LRFN2: variants seen among roughly 807,000 people sequenced by gnomAD.
LRFN2 encodes leucine rich repeat and fibronectin type III domain containing 2.
A neutral mutation model predicts 37.3 loss-of-function variants in LRFN2; 18 were observed. The observed-to-expected ratio is 0.48, with a 90% CI of 0.33 to 0.72. LRFN2 has a LOEUF of 0.72. LRFN2 is among the 30% of genes least tolerant of loss of function. The probability of loss-of-function intolerance (pLI) is 0.02; values close to 1 mark genes in which losing one functional copy is unlikely to be tolerated. For synonymous variants in LRFN2, 556 were observed against 466.6 expected (o/e 1.19, Z -2.47); for missense variants, 1,006 against 1,060.7 (o/e 0.95, Z 0.72).
Position 40,392,150 on chromosome 6 carries a change from G to A in LRFN2, c.2163C>T (p.Ser721=). 6.2e-7 allele frequency: 1 copy of A among 1,608,282 alleles called. No individual in the cohort carries two copies. Residue 721 remains serine, a synonymous_variant, in exon 3 of 3, where the codon AGC becomes AGT. Coordinates refer to ENST00000338305, the MANE Select transcript of LRFN2 (RefSeq NM_020737.3). The surrounding 1 kb of genome is among the most constrained non-coding windows in gnomAD (Gnocchi z 4.7). ...PLPLEGKAKR[S]HSFDMGDFAA... is the part of the protein sequence containing the mutation. ...CAAAGTCCCCCATGTCGAAGGAGTG[G>A]CTGCGTTTGGCCTTGCCCTCCAACG...
At chr6:40,475,839 T>C (rs1764699482) in intron 1 of LRFN2, among the ~76,000 whole-genome samples, 1 of 152,106 alleles carries the variant, frequency 6.6e-6, no homozygotes, top group African/African-American at 2.4e-5. Context: ...CAAACTGAGC[T>C]TCAGAGAGGA....
intron 1 of LRFN2, among the ~76,000 whole-genome samples, chr6:40,571,818 T>C (rs1767192852): frequency 6.6e-6 from 1 of 151,986 alleles, no homozygotes; most frequent in African/African-American, 2.4e-5. Flanking sequence ...AACAAGTTGG[T>C]GGCGGAGCTG....
intron 1 of LRFN2, among the ~76,000 whole-genome samples, chr6:40,509,828 C>T (rs115816491): frequency 0.024 from 3,565 of 146,774 alleles, 99 homozygotes; most frequent in African/African-American, 0.08. Context: ...TACTGAGCTG[C>T]GCAGGTAGGA....
chr6:40,436,886 G>A (rs958856741), intron 1 of LRFN2, among the ~76,000 whole-genome samples: 4 of 152,032 alleles, frequency 2.6e-5, no homozygotes, highest in East Asian at 1.9e-4. Context: ...TTCTGGCTAC[G>A]GCATCTGCTC....
chr6:40,506,639 G>C (rs1243133261), intron 1 of LRFN2, among the ~76,000 whole-genome samples: 1 of 152,112 alleles, frequency 6.6e-6, no homozygotes, highest in Non-Finnish European at 1.5e-5. Context: ...CTGCAAATCA[G>C]ACTGTGTGGT....
chr6:40,498,949 T>C (rs941221792), intron 1 of LRFN2, among the ~76,000 whole-genome samples: 1 of 152,072 alleles, frequency 6.6e-6, no homozygotes, highest in African/African-American at 2.4e-5. Context: ...ACCAGCATGG[T>C]TCCCATCCTC....
At chr6:40,579,106 T>C (rs563657910) in intron 1 of LRFN2, among the ~76,000 whole-genome samples, 12 of 152,352 alleles carry the variant, frequency 7.9e-5, no homozygotes, top group African/African-American at 2.9e-4. Context: ...ACTCTGCGAT[T>C]GCAAGCACAA....
intron 1 of LRFN2, among the ~76,000 whole-genome samples, chr6:40,529,426 T>C (rs1766309802): frequency 6.6e-6 from 1 of 152,226 alleles, no homozygotes; most frequent in East Asian, 1.9e-4. Context: ...CTGCCTACCA[T>C]GCTATCCACA....
At chr6:40,443,841 C>T (rs1444856068) in intron 1 of LRFN2, among the ~76,000 whole-genome samples, 1 of 152,140 alleles carries the variant, frequency 6.6e-6, no homozygotes, top group Non-Finnish European at 1.5e-5. Flanking sequence ...GCCTTCCACC[C>T]CTAGCCTAAA....
chr6:40,487,746 A>G (rs1487141782), intron 1 of LRFN2, among the ~76,000 whole-genome samples: 1 of 152,238 alleles, frequency 6.6e-6, no homozygotes, highest in African/African-American at 2.4e-5. Flanking sequence ...GATGAAACCA[A>G]AGGAAGCTAC....
At chr6:40,497,965 A>C (rs981259232) in intron 1 of LRFN2, among the ~76,000 whole-genome samples, 7 of 152,136 alleles carry the variant, frequency 4.6e-5, no homozygotes, top group Admixed American at 2.6e-4. Flanking sequence ...GAGGGAGCTG[A>C]CCTTGAAGAA....
intron 1 of LRFN2, among the ~76,000 whole-genome samples, chr6:40,496,626 T>C (rs1765234716): frequency 6.6e-6 from 1 of 152,064 alleles, no homozygotes; most frequent in African/African-American, 2.4e-5. Context: ...AGATGCAGTG[T>C]CCTCAGAGAG....
At chr6:40,464,477 G>A (rs932509728) in intron 1 of LRFN2, among the ~76,000 whole-genome samples, 9 of 152,220 alleles carry the variant, frequency 5.9e-5, no homozygotes, top group African/African-American at 2.2e-4. Flanking sequence ...ATGGGATGAT[G>A]CAGCAAGAAG....
At chr6:40,534,867 C>T (rs1387044478) in intron 1 of LRFN2, among the ~76,000 whole-genome samples, 1 of 152,132 alleles carries the variant, frequency 6.6e-6, no homozygotes, top group Non-Finnish European at 1.5e-5. Flanking sequence ...GTGCCCCGCG[C>T]CCATCTTAGA....
intron 1 of LRFN2, among the ~76,000 whole-genome samples, chr6:40,581,778 C>A (rs1767408856): frequency 6.6e-6 from 1 of 152,190 alleles, no homozygotes; most frequent in Non-Finnish European, 1.5e-5. Flanking sequence ...GGTACTGAGA[C>A]CCTGGTATGG....
intron 1 of LRFN2, among the ~76,000 whole-genome samples, chr6:40,568,499 C>T (rs1052016921): frequency 2.6e-5 from 4 of 152,232 alleles, no homozygotes; most frequent in African/African-American, 9.6e-5. Context: ...GGGTGGCTTA[C>T]AGGCATCCCC....
At chr6:40,528,108 A>G (rs760260345) in intron 1 of LRFN2, among the ~76,000 whole-genome samples, 4 of 152,260 alleles carry the variant, frequency 2.6e-5, no homozygotes, top group Non-Finnish European at 4.4e-5. Context: ...GCCAGAGTTT[A>G]AACACTTAAC....
chr6:40,448,231 G>C (rs7762831), intron 1 of LRFN2, among the ~76,000 whole-genome samples: 55 of 152,286 alleles, frequency 3.6e-4, no homozygotes, highest in African/African-American at 1.1e-3. Context: ...ATGAAGAGGA[G>C]AAGCAGAGCC....
At chr6:40,482,762 C>T (rs1247521933) in intron 1 of LRFN2, among the ~76,000 whole-genome samples, 1 of 152,166 alleles carries the variant, frequency 6.6e-6, no homozygotes, top group Non-Finnish European at 1.5e-5. Context: ...GGCCCTGCCT[C>T]CCCCTCCTGG....
Sources: allele counts gnomAD v4.1 joint callset (sites outside exome capture counted in the v4.1 genomes callset), GRCh38; gene constraint gnomAD v4.1.1; non-coding constraint Gnocchi (gnomAD v3.1); transcripts MANE v1.5; gene names NCBI Gene and HGNC (gene_info 2026-07-23, HGNC 2026-07-21).